The following MACROD2 variants were observed in gnomAD, a reference collection of about 807,000 sequenced individuals.
MACROD2 encodes mono-ADP ribosylhydrolase 2.
MACROD2 carries 36 observed loss-of-function variants against 70.4 expected under a neutral mutation model. That is an observed-to-expected ratio of 0.51 (90% CI 0.39 to 0.68). MACROD2 has a LOEUF of 0.68. Ranked by LOEUF, MACROD2 falls within the 30% of genes least tolerant of loss-of-function variation. MACROD2 has a pLI of 0.00. For synonymous variants in MACROD2, 172 were observed against 178.8 expected (o/e 0.96, Z 0.30); for missense variants, 496 against 538.4 (o/e 0.92, Z 0.78).
At chr20:15,151,001 G>A (rs145011406) in intron 5 of MACROD2, among the ~76,000 whole-genome samples, 14,361 of 151,970 alleles carry the variant, frequency 0.094, 750 homozygotes, top group South Asian at 0.14. Context: ...TTAAGAAGGG[G>A]ACGGACTTAC....
At chr20:14,660,754 A>G (rs914090948) in intron 4 of MACROD2, among the ~76,000 whole-genome samples, 4 of 152,038 alleles carry the variant, frequency 2.6e-5, no homozygotes, top group African/African-American at 7.2e-5. Context: ...CTTTCTGTCT[A>G]TGCATACCCA....
chr20:14,959,616 G>A (rs1396031406), intron 5 of MACROD2, among the ~76,000 whole-genome samples: 3 of 152,156 alleles, frequency 2.0e-5, no homozygotes, highest in Non-Finnish European at 2.9e-5. Context: ...CCATAAAGAT[G>A]TACAACTCTA....
intron 5 of MACROD2, among the ~76,000 whole-genome samples, chr20:14,908,511 C>T (rs1435994849): frequency 6.6e-6 from 1 of 151,856 alleles, no homozygotes; most frequent in Non-Finnish European, 1.5e-5. Context: ...AAAAATTAGC[C>T]GGACTTGTTG....
intron 10 of MACROD2, among the ~76,000 whole-genome samples, chr20:15,913,696 A>C (rs993529153): frequency 2.0e-5 from 3 of 151,962 alleles, no homozygotes; most frequent in African/African-American, 7.3e-5. Context: ...CCATTTTTTC[A>C]TCTCTAGGGT....
intron 5 of MACROD2, among the ~76,000 whole-genome samples, chr20:15,162,049 G>T (rs998820814): frequency 1.5e-5 from 2 of 129,724 alleles, no homozygotes; most frequent in African/African-American, 5.7e-5. Flanking sequence ...AAATAAAGAA[G>T]ATAAAATACA....
At chr20:14,143,715 A>G (rs1004248380) in intron 3 of MACROD2, among the ~76,000 whole-genome samples, 3 of 152,156 alleles carry the variant, frequency 2.0e-5, no homozygotes, top group African/African-American at 7.2e-5. Context: ...AGCATCTTCC[A>G]TTAATCTCGC....
chr20:14,965,493 C>G (rs143044184), intron 5 of MACROD2, among the ~76,000 whole-genome samples: 2,697 of 110,706 alleles, frequency 0.024, 92 homozygotes, highest in African/African-American at 0.087. Flanking sequence ...CGGAGTCTCT[C>G]TCAGTCCCCC....
chr20:15,658,730 C>T (rs2049771606), intron 8 of MACROD2, among the ~76,000 whole-genome samples: 1 of 152,154 alleles, frequency 6.6e-6, no homozygotes, highest in African/African-American at 2.4e-5. Context: ...ATGTTGTGTG[C>T]TTTGCAAGGC....
intron 8 of MACROD2, among the ~76,000 whole-genome samples, chr20:15,734,790 T>C (rs949518232): frequency 6.6e-6 from 1 of 152,232 alleles, no homozygotes; most frequent in African/African-American, 2.4e-5. Flanking sequence ...AATAAACCTA[T>C]CCTTTTCTGT....
At chr20:15,445,355 G>T (rs1330603713) in intron 7 of MACROD2, among the ~76,000 whole-genome samples, 2 of 152,132 alleles carry the variant, frequency 1.3e-5, no homozygotes, top group Non-Finnish European at 2.9e-5. Context: ...TTAAAAAATA[G>T]TCAACTTGCT....
At chr20:15,226,723 A>G (rs1601257803) in intron 5 of MACROD2, among the ~76,000 whole-genome samples, 1 of 152,274 alleles carries the variant, frequency 6.6e-6, no homozygotes, top group East Asian at 1.9e-4. Context: ...CAGATATTCT[A>G]TTTTCCATCC....
At chr20:14,491,861 G>A (rs2084798982) in intron 3 of MACROD2, among the ~76,000 whole-genome samples, 1 of 152,086 alleles carries the variant, frequency 6.6e-6, no homozygotes, top group Non-Finnish European at 1.5e-5. Flanking sequence ...CCAGGGAACT[G>A]GAAAACCTAT....
At chr20:16,003,531 A>G (rs1376686420) in intron 15 of MACROD2, among the ~76,000 whole-genome samples, 6 of 152,206 alleles carry the variant, frequency 3.9e-5, no homozygotes, top group African/African-American at 1.4e-4. Flanking sequence ...TAGCTCCAGC[A>G]GGTGTAGCCC....
At chr20:13,999,414 T>C (rs1254118250) in intron 1 of MACROD2, among the ~76,000 whole-genome samples, 3 of 152,254 alleles carry the variant, frequency 2.0e-5, no homozygotes, top group African/African-American at 7.2e-5. Flanking sequence ...ATAGTATTCA[T>C]GTAAGAATAG....
chr20:14,595,227 G>A (rs926539669), intron 4 of MACROD2, among the ~76,000 whole-genome samples: 3 of 152,022 alleles, frequency 2.0e-5, no homozygotes, highest in African/African-American at 7.2e-5. Context: ...CTTGTCACAG[G>A]GCCATGAAAA....
chr20:15,232,201 A>T (rs2076965229), intron 6 of MACROD2, among the ~76,000 whole-genome samples: 1 of 151,984 alleles, frequency 6.6e-6, no homozygotes, highest in Admixed American at 6.6e-5. Context: ...GATTATGTAG[A>T]GGGAAATAGA....
chr20:15,894,011 A>G, intron 10 of MACROD2: 1 of 441,096 alleles, frequency 2.3e-6, no homozygotes, highest in Non-Finnish European at 4.5e-6. Context: ...TCGCTTTCCC[A>G]TGCTCAGTCA....
chr20:15,879,651 GA>G (rs1004923275), intron 9 of MACROD2, among the ~76,000 whole-genome samples: 3 of 152,120 alleles, frequency 2.0e-5, no homozygotes, highest in Non-Finnish European at 4.4e-5. Context: ...AAAAAAGTTT[GA>G]ATGCTTCAAC....
rs536740522 is a variant in MACROD2, at chr20:14,559,315, T to G, written c.301+65807T>G. On this transcript the variant is annotated intron_variant, in intron 4 of 17. Transcript: ENST00000684519. Reference sequence around the variant, plus strand: ...GTGTATTTTTTTAAATTAAAATATATGAATTTAATTTACACAAATAATTTA... The same window carrying G: ...GTGTATTTTTTTAAATTAAAATATAGGAATTTAATTTACACAAATAATTTA... 2.4e-4 allele frequency among the ~76,000 whole-genome samples: 36 copies of G among 151,508 alleles called. 1 individual carries two copies. The South Asian group carries it at 7.5e-3, about 31-fold the overall frequency.
Sources: allele counts gnomAD v4.1 joint callset (sites outside exome capture counted in the v4.1 genomes callset), GRCh38; gene constraint gnomAD v4.1.1; transcripts MANE v1.5; gene names NCBI Gene and HGNC (gene_info 2026-07-23, HGNC 2026-07-21).